The following MYO5B variants were observed in gnomAD, a reference collection of about 807,000 sequenced individuals.
MYO5B encodes unconventional myosin-Vb.
Under a neutral mutation model 229.3 loss-of-function variants are expected in MYO5B, and 143 were observed. The ratio of observed to expected loss-of-function variants is 0.62; its 90% CI spans 0.54 to 0.72. MYO5B has a LOEUF of 0.72. Ranked by LOEUF, MYO5B falls within the 30% of genes least tolerant of loss-of-function variation. The pLI, the probability that MYO5B is intolerant of heterozygous loss-of-function variation, is 0.00. For missense variants in MYO5B, 2,321 were observed against 2,331.0 expected (o/e 1.00, Z 0.09); for synonymous variants, 918 against 885.2 (o/e 1.04, Z -0.66).
At chr18:49,837,372 G>T in intron 37 of MYO5B, 145 bp downstream of exon 37, 1 of 994,684 alleles carries the variant, frequency 1.0e-6, no homozygotes, top group Non-Finnish European at 1.5e-6. Context: ...AAAGGTGATG[G>T]ATTTGAGTCA....
At chr18:50,081,005 A>AAT (rs1400668837) in intron 1 of MYO5B, among the ~76,000 whole-genome samples, 31 of 152,284 alleles carry the variant, frequency 2.0e-4, no homozygotes, top group African/African-American at 6.7e-4. Context: ...GGAATCTAAA[A>AAT]ATATATATAT....
At chr18:49,999,531 A>G (rs1025706387) in intron 5 of MYO5B, among the ~76,000 whole-genome samples, 7 of 152,278 alleles carry the variant, frequency 4.6e-5, no homozygotes, top group African/African-American at 1.7e-4. Flanking sequence ...AAGATAGTTC[A>G]TAAAAAGTTG....
chr18:49,926,998 C>A (rs577067831), intron 17 of MYO5B, among the ~76,000 whole-genome samples: 1 of 152,086 alleles, frequency 6.6e-6, no homozygotes, highest in Admixed American at 6.5e-5. Context: ...AAGGTGGCTG[C>A]TAGGGACTGG....
chr18:49,994,442 C>A (rs1441206565), intron 5 of MYO5B, among the ~76,000 whole-genome samples: 1 of 152,206 alleles, frequency 6.6e-6, no homozygotes, highest in Admixed American at 6.5e-5. Flanking sequence ...ACAATATACA[C>A]TTTTACTTTA....
At chr18:49,857,378 G>A (rs982986474) in intron 29 of MYO5B, among the ~76,000 whole-genome samples, 1 of 152,212 alleles carries the variant, frequency 6.6e-6, no homozygotes, top group Non-Finnish European at 1.5e-5. Context: ...GGCTCATGGT[G>A]GGGAACACAT....
chr18:50,179,734 C>T (rs1349326001), intron 1 of MYO5B, among the ~76,000 whole-genome samples: 1 of 152,210 alleles, frequency 6.6e-6, no homozygotes, highest in East Asian at 1.9e-4. Context: ...TTATTCTGGT[C>T]CCCTAGTACT....
At chr18:49,967,794 C>A (rs746302097) in intron 10 of MYO5B, among the ~76,000 whole-genome samples, 8 of 152,136 alleles carry the variant, frequency 5.3e-5, no homozygotes, top group Non-Finnish European at 1.2e-4. Context: ...GCTGGCTGTA[C>A]CTTGGAATGG....
At chr18:49,972,566 T>C (rs184174549) in intron 10 of MYO5B, among the ~76,000 whole-genome samples, 61 of 152,382 alleles carry the variant, frequency 4.0e-4, no homozygotes, top group Non-Finnish European at 7.8e-4. Flanking sequence ...AGTAAAATTA[T>C]ATCCTTCTAC....
chr18:50,128,634 G>T (rs567512939), intron 1 of MYO5B, among the ~76,000 whole-genome samples: 1 of 152,136 alleles, frequency 6.6e-6, no homozygotes, highest in African/African-American at 2.4e-5. Flanking sequence ...TCAACAGCTC[G>T]GAGAGCAGTT....
At chr18:50,192,300 A>C (rs916590856) in intron 1 of MYO5B, among the ~76,000 whole-genome samples, 6 of 152,232 alleles carry the variant, frequency 3.9e-5, no homozygotes, top group Admixed American at 3.9e-4. Context: ...AAGTGAGATC[A>C]AGACCCTGAA....
chr18:50,041,680 A>T (rs61042651), intron 2 of MYO5B, among the ~76,000 whole-genome samples: 23,978 of 152,106 alleles, frequency 0.16, 1,962 homozygotes, highest in East Asian at 0.22. Flanking sequence ...TTAAAAAAAA[A>T]TTTTTTTAAC....
intron 1 of MYO5B, among the ~76,000 whole-genome samples, chr18:50,122,007 G>C (rs1040943413): frequency 1.3e-5 from 2 of 152,238 alleles, no homozygotes; most frequent in African/African-American, 2.4e-5. Context: ...CATGAGGCTT[G>C]CAGTCAAATA....
intron 36 of MYO5B, among the ~76,000 whole-genome samples, chr18:49,838,080 G>A (rs747748883): frequency 5.9e-5 from 9 of 152,204 alleles, no homozygotes; most frequent in Non-Finnish European, 1.2e-4. Context: ...CGCCTGTGCT[G>A]AAGTCCACAG....
At position 49,866,304 on chromosome 18, in the gene MYO5B, C is replaced by T. The variant is rs187945757; in HGVS notation, c.3604-1924G>A. Reference sequence around the variant, plus strand: ...CAGGATGGTCTCGATCTCCTGACCTCGTGATCCGCCCACCTCGGCCTCCCA... The same window carrying T: ...CAGGATGGTCTCGATCTCCTGACCTTGTGATCCGCCCACCTCGGCCTCCCA... On this transcript the variant is annotated intron_variant, in intron 27 of 39. Coordinates refer to ENST00000285039, the MANE Select transcript of MYO5B (RefSeq NM_001080467.3). 6.3e-3 allele frequency among the ~76,000 whole-genome samples: 961 copies of T among 152,026 alleles called. 4 individuals are homozygous for T. The highest frequency in any genetic ancestry group is 8.3e-3 in the South Asian group (40 of 4,802).
chr18:49,848,989 G>T (rs996762970), intron 32 of MYO5B, among the ~76,000 whole-genome samples: 1 of 151,964 alleles, frequency 6.6e-6, no homozygotes, highest in Non-Finnish European at 1.5e-5. Context: ...TGAGCTGAGG[G>T]TGGAAGGATG....
At chr18:50,163,093 A>G (rs556066977) in intron 1 of MYO5B, among the ~76,000 whole-genome samples, 143 of 152,380 alleles carry the variant, frequency 9.4e-4, no homozygotes, top group Non-Finnish European at 1.3e-3. Flanking sequence ...ATCTTCTGAA[A>G]TGAATTGCTA....
chr18:49,907,741 C>T (rs1486425079), intron 18 of MYO5B, among the ~76,000 whole-genome samples: 1 of 152,276 alleles, frequency 6.6e-6, no homozygotes, highest in South Asian at 2.1e-4. Context: ...GGCTGTCCTG[C>T]CTGAGCTAAG....
chr18:49,915,095 G>T (rs1046752442), intron 17 of MYO5B, among the ~76,000 whole-genome samples: 6 of 152,268 alleles, frequency 3.9e-5, no homozygotes, highest in African/African-American at 1.4e-4. Flanking sequence ...CAGAGAAGGG[G>T]TGAGTATAAG....
At chr18:50,121,538 A>C (rs1208204705) in intron 1 of MYO5B, among the ~76,000 whole-genome samples, 2 of 149,774 alleles carry the variant, frequency 1.3e-5, no homozygotes, top group Non-Finnish European at 3.0e-5. Context: ...GCATTAAAAC[A>C]GGATTCAGTT....
Sources: gnomAD v4.1 joint callset for allele counts (sites outside exome capture counted in the v4.1 genomes callset) on GRCh38, gnomAD v4.1.1 for gene constraint, MANE v1.5 for transcripts, NCBI Gene and HGNC (gene_info 2026-07-23, HGNC 2026-07-21) for gene names.